SND1: variants seen among roughly 807,000 people sequenced by gnomAD.
SND1 encodes staphylococcal nuclease domain-containing protein 1.
In SND1, 38 loss-of-function variants were observed where a neutral mutation model predicts 121.7. That is an observed-to-expected ratio of 0.31 (90% CI 0.24 to 0.41). The LOEUF (loss-of-function observed/expected upper bound fraction) is 0.41. SND1 is among the 10% of genes least tolerant of loss of function. SND1 has a pLI of 1.00. For missense variants in SND1, 868 were observed against 1,184.6 expected (o/e 0.73, Z 3.92); for synonymous variants, 401 against 447.4 (o/e 0.90, Z 1.31).
chr7:127,661,223 A>G (rs1795305381), intron 1 of SND1, among the ~76,000 whole-genome samples: 1 of 152,188 alleles, frequency 6.6e-6, no homozygotes, highest in African/African-American at 2.4e-5. Context: ...GTCCACTTAT[A>G]GTGACTCAGA....
chr7:127,974,678 G>A (rs944203888), intron 15 of SND1, among the ~76,000 whole-genome samples: 16 of 152,186 alleles, frequency 1.1e-4, no homozygotes, highest in East Asian at 5.8e-4. Context: ...CTAAGGGTGG[G>A]TGAATTCAAG....
chr7:127,943,250 C>A (rs1192300889), intron 15 of SND1, among the ~76,000 whole-genome samples: 1 of 152,120 alleles, frequency 6.6e-6, no homozygotes, highest in East Asian at 1.9e-4. Flanking sequence ...TCTAAGAAAT[C>A]CATACACAGC....
At chr7:127,848,796 G>C (rs1799113986) in intron 12 of SND1, among the ~76,000 whole-genome samples, 1 of 152,176 alleles carries the variant, frequency 6.6e-6, no homozygotes, top group Non-Finnish European at 1.5e-5. Context: ...CATTTCACAT[G>C]CAGGGAGTGT....
chr7:127,675,012 C>T (rs1562974475), intron 1 of SND1, among the ~76,000 whole-genome samples: 1 of 152,162 alleles, frequency 6.6e-6, no homozygotes, highest in South Asian at 2.1e-4. Context: ...ACCAGTCTGG[C>T]CAACATAGTG....
intron 11 of SND1, among the ~76,000 whole-genome samples, chr7:127,843,880 A>G (rs1373833399): frequency 6.6e-6 from 1 of 152,178 alleles, no homozygotes; most frequent in African/African-American, 2.4e-5. Flanking sequence ...ATTGCTCCAC[A>G]TCCTTGCCTG....
At position 127,754,774 on chromosome 7, in the gene SND1, G is replaced by A. The variant is rs573620195; in HGVS notation, c.1152+33374G>A. Among the ~76,000 whole-genome samples the A allele has an allele frequency of 9.8e-5, 15 of 152,348 alleles. No individual in the cohort carries two copies. The South Asian group carries it at 1.7e-3, about 17-fold the overall frequency. ...ATACCACAGACTTGATGGTTGGCCA[G>A]ATTTATGCAGTCTCAACTGGGGAAC... On this transcript the variant is annotated intron_variant, in intron 10 of 23. Coordinates refer to ENST00000354725, the MANE Select transcript of SND1 (RefSeq NM_014390.4).
At chr7:127,800,834 T>C (rs1020334896) in intron 10 of SND1, among the ~76,000 whole-genome samples, 3 of 152,192 alleles carry the variant, frequency 2.0e-5, no homozygotes, top group Non-Finnish European at 4.4e-5. Context: ...TCAGTAACCA[T>C]TGTGCATTTT....
At chr7:127,997,917 G>A in intron 16 of SND1, 1 of 534,768 alleles carries the variant, frequency 1.9e-6, no homozygotes, top group Non-Finnish European at 3.8e-6. Flanking sequence ...TGCTCTCCCA[G>A]GCTAGATGAG....
At chr7:128,009,585 A>C (rs1042406388) in intron 16 of SND1, among the ~76,000 whole-genome samples, 6 of 152,168 alleles carry the variant, frequency 3.9e-5, no homozygotes, top group Non-Finnish European at 8.8e-5. Flanking sequence ...GATTAATAGA[A>C]TCTTTATAAA....
In SND1 at chr7:127,920,530, G is replaced by A. The variant is rs906744307; in HGVS notation, c.1528-8658G>A. Among the ~76,000 whole-genome samples the A allele has an allele frequency of 1.8e-4, 28 of 152,292 alleles. 1 individual carries two copies. The highest frequency in any genetic ancestry group is 1.8e-3 in the Admixed American group (28 of 15,296). On this transcript the variant is annotated intron_variant, in intron 14 of 23. Coordinates refer to ENST00000354725, the MANE Select transcript of SND1 (RefSeq NM_014390.4). ...AATTGTAAGACTAGTGTGTTGAGAAGTTAGAGTATGGAAAAAAGGGGAAAA... is the reference window on the plus strand; with the variant it reads ...AATTGTAAGACTAGTGTGTTGAGAAATTAGAGTATGGAAAAAAGGGGAAAA...
At chr7:127,866,320 T>C (rs1396052059) in intron 12 of SND1, among the ~76,000 whole-genome samples, 1 of 152,216 alleles carries the variant, frequency 6.6e-6, no homozygotes, top group African/African-American at 2.4e-5. Context: ...AATGAGTTAC[T>C]AAGTTGGATT....
intron 14 of SND1, among the ~76,000 whole-genome samples, chr7:127,907,177 A>C (rs1251507121): frequency 6.6e-6 from 1 of 152,198 alleles, no homozygotes; most frequent in Non-Finnish European, 1.5e-5. Flanking sequence ...TTATTCACCT[A>C]AGAGTGCAGT....
chr7:128,021,864 T>C (rs559822876), intron 16 of SND1, among the ~76,000 whole-genome samples: 29 of 152,172 alleles, frequency 1.9e-4, no homozygotes, highest in Non-Finnish European at 3.5e-4. Context: ...GGAAACCTGA[T>C]ACAATAATTA....
chr7:127,825,269 C>T (rs1380285948), intron 11 of SND1, among the ~76,000 whole-genome samples: 1 of 152,138 alleles, frequency 6.6e-6, no homozygotes, highest in Non-Finnish European at 1.5e-5. Context: ...TGCCACCACA[C>T]CTGGCTAATT....
chr7:127,875,971 A>G (rs898910503), intron 12 of SND1, among the ~76,000 whole-genome samples: 1 of 152,114 alleles, frequency 6.6e-6, no homozygotes, highest in Non-Finnish European at 1.5e-5. Context: ...TCTCATTTGT[A>G]AAATAGGGAA....
Position 127,746,129 on chromosome 7 carries a change from CT to C in SND1, c.1152+24730del, listed in dbSNP as rs746695839. On this transcript the variant is annotated intron_variant, in intron 10 of 23. Coordinates refer to ENST00000354725, the MANE Select transcript of SND1 (RefSeq NM_014390.4). ...TGTGTGTGTCAGTGTTGTGTGTTGC[CT>C]ATAAGCACCTGTAGGGAAACGGTAG... 4.4e-4 allele frequency among the ~76,000 whole-genome samples: 67 copies of C among 152,200 alleles called. 2 individuals carry two copies. Among genetic ancestry groups the C allele is most frequent in the Non-Finnish European group, 1.2e-4 (8 of 68,040 alleles).
chr7:127,893,614 A>C (rs1272425006), intron 13 of SND1, among the ~76,000 whole-genome samples: 1 of 152,162 alleles, frequency 6.6e-6, no homozygotes, highest in Non-Finnish European at 1.5e-5. Flanking sequence ...GTGTCTGAGC[A>C]GATTTAAATG....
At chr7:127,861,457 G>A (rs1799376746) in intron 12 of SND1, among the ~76,000 whole-genome samples, 1 of 152,052 alleles carries the variant, frequency 6.6e-6, no homozygotes, top group Non-Finnish European at 1.5e-5. Flanking sequence ...TCTACCTGGT[G>A]TCATTCATTT....
chr7:127,723,195 C>T (rs1796526436), intron 10 of SND1, among the ~76,000 whole-genome samples: 2 of 152,184 alleles, frequency 1.3e-5, no homozygotes, highest in South Asian at 4.1e-4. Flanking sequence ...GAAGTAAGCA[C>T]TAACCTACTA....
Sources: gnomAD v4.1 joint callset for allele counts (sites outside exome capture counted in the v4.1 genomes callset) on GRCh38, gnomAD v4.1.1 for gene constraint, MANE v1.5 for transcripts, NCBI Gene and HGNC (gene_info 2026-07-23, HGNC 2026-07-21) for gene names.